DCHS2: variants seen among roughly 807,000 people sequenced by gnomAD.
DCHS2 encodes the protein protocadherin-23.
In DCHS2, 142 loss-of-function variants were observed where a neutral mutation model predicts 182.4. The ratio of observed to expected loss-of-function variants is 0.78; its 90% confidence interval spans 0.68 to 0.89. DCHS2 has a LOEUF of 0.89. Ranked by LOEUF, DCHS2 falls within the 40% of genes least tolerant of loss-of-function variation. The probability of loss-of-function intolerance (pLI) is 0.00; values close to 1 mark genes in which losing one functional copy is unlikely to be tolerated. For synonymous variants in DCHS2, 1,740 were observed against 1,663.3 expected (o/e 1.05, Z -1.12); for missense variants, 4,319 against 4,198.6 (o/e 1.03, Z -0.79).
chr4:154,307,441 GCACACACACA>G (rs34718837), intron 10 of DCHS2, among the ~76,000 whole-genome samples: 4 of 149,978 alleles, frequency 2.7e-5, no homozygotes, highest in African/African-American at 9.8e-5. Context: ...ATGTGCGCGC[GCACACACACA>G]CACACACACA....
At chr4:154,484,401 T>G (rs952501923) in intron 1 of DCHS2, among the ~76,000 whole-genome samples, 1 of 152,158 alleles carries the variant, frequency 6.6e-6, no homozygotes, top group African/African-American at 2.4e-5. Flanking sequence ...TTATCTCCCA[T>G]GTATTTCCAT....
chr4:154,476,770 A>G (rs1560780937), intron 1 of DCHS2, among the ~76,000 whole-genome samples: 2 of 152,350 alleles, frequency 1.3e-5, no homozygotes, highest in Non-Finnish European at 1.5e-5. Context: ...AGAACATAAG[A>G]CGCATTACGT....
rs1172049825 is a variant in DCHS2 at position 154,231,987 on chromosome 4, T to C, written c.*2549A>G. ...CATTTGGTACTGATTTACACCAGTA[T>C]TTTTAAGGCTGCCAACAAGAAAGTC... On this transcript the variant is annotated 3_prime_UTR_variant, in exon 20 of 20. Coordinates refer to ENST00000357232, the MANE Select transcript of DCHS2 (RefSeq NM_001358235.2). 6.6e-6 allele frequency: 1 copy of C among 152,154 alleles called. No homozygotes were observed. Among genetic ancestry groups the C allele is most frequent in the Non-Finnish European group, 1.5e-5 (1 of 68,020 alleles). 9.4% of individuals were successfully genotyped at this position (152,154 alleles called of 1,614,324 possible).
At chr4:154,406,146 C>CA (rs1264940939) in intron 1 of DCHS2, among the ~76,000 whole-genome samples, 3 of 152,264 alleles carry the variant, frequency 2.0e-5, no homozygotes, top group Non-Finnish European at 4.4e-5. Context: ...TGCTGCACCT[C>CA]AGAGTCTGGG....
chr4:154,325,343 G>A (rs1477420206), intron 7 of DCHS2, among the ~76,000 whole-genome samples: 5 of 151,234 alleles, frequency 3.3e-5, no homozygotes, highest in Non-Finnish European at 7.4e-5. Context: ...GTGTGTGTGT[G>A]TGTGTGTGTG....
At chr4:154,377,192 T>A (rs1361196168) in intron 2 of DCHS2, 61 bp downstream of exon 2, 4 of 1,474,300 alleles carry the variant, frequency 2.7e-6, no homozygotes, top group Non-Finnish European at 3.7e-6. Context: ...TCCTCTGTGA[T>A]GTATACACAG....
chr4:154,472,135 C>A (rs1735498054), intron 1 of DCHS2, among the ~76,000 whole-genome samples: 1 of 152,204 alleles, frequency 6.6e-6, no homozygotes, highest in South Asian at 2.1e-4. Context: ...CACAAAGCAG[C>A]TCTCTGGCTG....
At chr4:154,393,373 G>T (rs1448647247) in intron 1 of DCHS2, among the ~76,000 whole-genome samples, 3 of 152,062 alleles carry the variant, frequency 2.0e-5, no homozygotes, top group African/African-American at 7.2e-5. Flanking sequence ...AAAGCTTTTG[G>T]TTGGGGGAAA....
intron 16 of DCHS2, among the ~76,000 whole-genome samples, chr4:154,246,445 C>T (rs1732072622): frequency 6.6e-6 from 1 of 152,072 alleles, no homozygotes; most frequent in Admixed American, 6.6e-5. Context: ...GTGAAGAGTG[C>T]TAGTCAAGTC....
chr4:154,391,812 C>T (rs1019596661), intron 1 of DCHS2, among the ~76,000 whole-genome samples: 6 of 152,136 alleles, frequency 3.9e-5, no homozygotes, highest in Admixed American at 2.6e-4. Context: ...CGATGGGCCA[C>T]GTGATGGCCC....
In DCHS2 at chr4:154,322,448, A is replaced by G; in HGVS notation, c.4059T>C (p.Gly1353=). 1 of 1,613,594 alleles carries G rather than the reference A, an allele frequency of 6.2e-7. No homozygotes were observed. Among genetic ancestry groups the G allele is most frequent in the African/African-American group, 1.3e-5 (1 of 75,042 alleles). ...AAAGTATTGTGGTTGTTCTTATTTC[A>G]CCATTGTTGGCGTCAATCTTAAAGT... The part of the protein sequence containing the change: ...SDHFKIDANN[G]EIRTTTILSY... The change falls in exon 8 of 20, where the codon GGT becomes GGC. Residue 1353 remains glycine (G), a synonymous_variant. Transcript: ENST00000357232.
intron 1 of DCHS2, among the ~76,000 whole-genome samples, chr4:154,420,228 C>A (rs541498398): frequency 1.4e-5 from 2 of 139,610 alleles, no homozygotes; most frequent in African/African-American, 5.2e-5. Context: ...GAAACAGAAC[C>A]GATGGGAGAC....
chr4:154,327,534 T>C (rs1178530713), intron 7 of DCHS2, among the ~76,000 whole-genome samples: 2 of 152,160 alleles, frequency 1.3e-5, no homozygotes, highest in Non-Finnish European at 2.9e-5. Flanking sequence ...CAAATGTCTT[T>C]TAAAATTATA....
chr4:154,461,056 C>A (rs1472514609), intron 1 of DCHS2, among the ~76,000 whole-genome samples: 3 of 152,226 alleles, frequency 2.0e-5, no homozygotes, highest in Non-Finnish European at 2.9e-5. Flanking sequence ...GAATCACAAG[C>A]TTCTGACAAA....
chr4:154,273,516 G>A (rs1341700082), intron 13 of DCHS2, among the ~76,000 whole-genome samples: 1 of 152,032 alleles, frequency 6.6e-6, no homozygotes, highest in Non-Finnish European at 1.5e-5. Context: ...CACTGTTTGG[G>A]TGACGGGTGC....
intron 2 of DCHS2, among the ~76,000 whole-genome samples, chr4:154,367,705 C>T (rs1216840278): frequency 2.0e-5 from 3 of 152,126 alleles, no homozygotes; most frequent in Admixed American, 1.3e-4. Context: ...ACTCATGTAT[C>T]CTCCCCCTCT....
intron 13 of DCHS2, among the ~76,000 whole-genome samples, chr4:154,284,975 T>C (rs1301177856): frequency 6.6e-6 from 1 of 152,032 alleles, no homozygotes; most frequent in Non-Finnish European, 1.5e-5. Flanking sequence ...ACTCTTTCCT[T>C]CCACTTGAGC....
At chr4:154,406,490 AGTT>A in intron 1 of DCHS2, among the ~76,000 whole-genome samples, 1 of 152,300 alleles carries the variant, frequency 6.6e-6, no homozygotes, top group East Asian at 1.9e-4. Flanking sequence ...CTGATTTTAT[AGTT>A]GTTTATGGTG....
chr4:154,407,943 A>G (rs538454719), intron 1 of DCHS2, among the ~76,000 whole-genome samples: 2 of 152,056 alleles, frequency 1.3e-5, no homozygotes, highest in Non-Finnish European at 2.9e-5. Context: ...AAAAGTTTCT[A>G]TAACTAGACC....
Sources: gnomAD v4.1 joint callset for allele counts (sites outside exome capture counted in the v4.1 genomes callset) on GRCh38, gnomAD v4.1.1 for gene constraint, MANE v1.5 for transcripts, NCBI Gene and HGNC (gene_info 2026-07-23, HGNC 2026-07-21) for gene names.